Variants in CDIN1 observed in about 807,000 individuals in gnomAD.
The protein encoded by CDIN1 is CDAN1-interacting nuclease 1.
CDIN1 carries 33 observed loss-of-function variants against 45.3 expected under a neutral mutation model. The ratio of observed to expected loss-of-function variants is 0.73; its 90% CI spans 0.55 to 0.97. CDIN1 has a LOEUF of 0.97. CDIN1 is among the 50% of genes least tolerant of loss of function. The pLI is 0.00. For synonymous variants in CDIN1, 118 were observed against 124.4 expected, an observed-to-expected ratio of 0.95 and a Z score of 0.34; for missense variants, 303 against 339.4, an observed-to-expected ratio of 0.89 and a Z score of 0.84.
At chr15:36,668,819 G>C (rs76516131) in intron 5 of CDIN1, among the ~76,000 whole-genome samples, 58 of 152,132 alleles carry the variant, frequency 3.8e-4, no homozygotes, top group Non-Finnish European at 7.1e-4. Context: ...GCCCTAGTTT[G>C]CTCTTCTTTA....
intron 5 of CDIN1, among the ~76,000 whole-genome samples, chr15:36,678,998 T>C (rs2041752349): frequency 6.6e-6 from 1 of 152,190 alleles, no homozygotes; most frequent in Non-Finnish European, 1.5e-5. Flanking sequence ...TGCCCTTAGC[T>C]GGGGGAAAAT....
chr15:36,687,834 C>A (rs898260384), intron 5 of CDIN1, among the ~76,000 whole-genome samples: 2 of 151,942 alleles, frequency 1.3e-5, no homozygotes, highest in African/African-American at 4.8e-5. Flanking sequence ...AAAACATTAA[C>A]AAAAATTGAT....
In CDIN1 at chr15:36,800,814, CATA is replaced by C. The variant is rs569802653; in HGVS notation, c.717-7505_717-7503del. On this transcript the variant is annotated intron_variant, in intron 10 of 10. Coordinates refer to ENST00000566621, the MANE Select transcript of CDIN1 (RefSeq NM_001321759.2). ...ATAGCACAGACCCCACACAGCAACTCATAATAAGAGAAAAAGAAATATATATAT... is the reference window on the plus strand; with the variant it reads ...ATAGCACAGACCCCACACAGCAACTCATAAGAGAAAAAGAAATATATATAT... 2.5e-4 allele frequency among the ~76,000 whole-genome samples: 37 copies of C among 148,522 alleles called. 1 individual carries two copies. The South Asian group carries it at 5.6e-3, about 23-fold the overall frequency.
chr15:36,714,145 G>A (rs777057276), intron 10 of CDIN1, among the ~76,000 whole-genome samples: 6 of 152,112 alleles, frequency 3.9e-5, no homozygotes, highest in Non-Finnish European at 7.4e-5. Context: ...TGAGGAAAAT[G>A]CCTGATTTTT....
At chr15:36,686,886 G>A (rs1272540705) in intron 5 of CDIN1, among the ~76,000 whole-genome samples, 1 of 124,708 alleles carries the variant, frequency 8.0e-6, no homozygotes, top group South Asian at 3.1e-4. Flanking sequence ...ATGGAGGGAG[G>A]GTGGGAGAGA....
chr15:36,723,998 T>C (rs1425545691), intron 10 of CDIN1, among the ~76,000 whole-genome samples: 1 of 152,210 alleles, frequency 6.6e-6, no homozygotes, highest in Admixed American at 6.5e-5. Flanking sequence ...AGCACTTACA[T>C]GTATTTTCCA....
chr15:36,698,880 T>C (rs1416892730), intron 8 of CDIN1, among the ~76,000 whole-genome samples: 1 of 152,198 alleles, frequency 6.6e-6, no homozygotes, highest in East Asian at 1.9e-4. Context: ...GTTGTAGATG[T>C]GGGCTAAACT....
intron 10 of CDIN1, among the ~76,000 whole-genome samples, chr15:36,804,349 A>C (rs1417465138): frequency 6.6e-6 from 1 of 152,060 alleles, no homozygotes; most frequent in Non-Finnish European, 1.5e-5. Flanking sequence ...GCAATGGCTG[A>C]CCCCTGCCTG....
intron 1 of CDIN1, among the ~76,000 whole-genome samples, chr15:36,622,291 C>G (rs574786092): frequency 2.0e-5 from 3 of 151,710 alleles, no homozygotes; most frequent in Admixed American, 1.3e-4. Context: ...TCTCATCGGG[C>G]TTGAGGGAGG....
intron 1 of CDIN1, among the ~76,000 whole-genome samples, chr15:36,580,346 C>G (rs763324789): frequency 1.3e-5 from 2 of 152,074 alleles, no homozygotes; most frequent in South Asian, 2.1e-4. Context: ...AATGGAGGAC[C>G]CTTTTCAATT....
intron 10 of CDIN1, among the ~76,000 whole-genome samples, chr15:36,807,392 A>G (rs1389702306): frequency 6.6e-6 from 1 of 152,172 alleles, no homozygotes; most frequent in Non-Finnish European, 1.5e-5. Flanking sequence ...GCAACACTAC[A>G]CCAAAAGTAG....
rs374324232 is a variant in CDIN1 at position 36,737,181 on chromosome 15, AC to A, written c.716+27221del. Among the ~76,000 whole-genome samples, 311 of 148,650 alleles carry A rather than the reference AC, an allele frequency of 2.1e-3. 12 individuals are homozygous for A. Among genetic ancestry groups the A allele is most frequent in the African/African-American group, 2.9e-3 (120 of 40,812 alleles). On this transcript the variant is annotated intron_variant, in intron 10 of 10. Coordinates refer to ENST00000566621, the MANE Select transcript of CDIN1 (RefSeq NM_001321759.2). ...AGACCCGGTCTCAAAAAAAAAAAAA[AC>A]AAAAATTGCTTCACACTGCCCTTTT...
intron 10 of CDIN1, among the ~76,000 whole-genome samples, chr15:36,760,708 T>A (rs906622865): frequency 4.1e-5 from 6 of 146,854 alleles, no homozygotes; most frequent in Non-Finnish European, 7.6e-5. Flanking sequence ...AAGGAGCATC[T>A]AAGAAATGGT....
chr15:36,746,294 G>A (rs370430133), intron 10 of CDIN1, among the ~76,000 whole-genome samples: 3 of 152,100 alleles, frequency 2.0e-5, no homozygotes, highest in African/African-American at 7.2e-5. Flanking sequence ...GAGAGAAAGA[G>A]GAAGGAGGCC....
rs963813807 is a variant in CDIN1, at chr15:36,579,948, C to G, written c.88C>G (p.Gln30Glu). 13 of 1,613,270 alleles carry G rather than the reference C, an allele frequency of 8.1e-6. No homozygotes were observed. Among genetic ancestry groups the G allele is most frequent in the Non-Finnish European group, 1.1e-5 (13 of 1,179,644 alleles). The change falls in exon 1 of 11, where the codon CAG becomes GAG. Residue 30 changes from glutamine (Q) to glutamate (E), a missense_variant. Physicochemically the swap from Gln to Glu is conservative, Grantham distance 29 (BLOSUM62 2). Coordinates refer to ENST00000566621, the MANE Select transcript of CDIN1 (RefSeq NM_001321759.2). ...PTRQSLRKLK[Q>E]RFPSQSQATL... ...CAGGCAGAGCCTGAGGAAGCTGAAGCAGAGGTTTCCCAGGTAAGTGTCCAT... is the reference window on the plus strand; with the variant it reads ...CAGGCAGAGCCTGAGGAAGCTGAAGGAGAGGTTTCCCAGGTAAGTGTCCAT...
chr15:36,654,006 C>A, intron 3 of CDIN1, 92 bp from the exon 4 acceptor site: 1 of 914,034 alleles, frequency 1.1e-6, no homozygotes, highest in Non-Finnish European at 1.7e-6. Flanking sequence ...GGCATTTGTC[C>A]AGGAGAAACA....
At chr15:36,743,447 T>C (rs543382185) in intron 10 of CDIN1, among the ~76,000 whole-genome samples, 2 of 152,298 alleles carry the variant, frequency 1.3e-5, no homozygotes, top group South Asian at 2.1e-4. Flanking sequence ...AACAGTGCAG[T>C]GCCCTCTTTT....
At chr15:36,654,790 C>T (rs1391322005) in intron 4 of CDIN1, among the ~76,000 whole-genome samples, 1 of 151,968 alleles carries the variant, frequency 6.6e-6, no homozygotes, top group Admixed American at 6.6e-5. Flanking sequence ...ACAGATTTCC[C>T]ATGAATGAAG....
chr15:36,584,274 A>C (rs2037186838), intron 1 of CDIN1, among the ~76,000 whole-genome samples: 1 of 152,132 alleles, frequency 6.6e-6, no homozygotes, highest in African/African-American at 2.4e-5. Flanking sequence ...TCTCTTCAAA[A>C]AAATTTAAAA....
Sources: allele counts gnomAD v4.1 joint callset (sites outside exome capture counted in the v4.1 genomes callset), GRCh38; gene constraint gnomAD v4.1.1; transcripts MANE v1.5; gene names NCBI Gene and HGNC (gene_info 2026-07-23, HGNC 2026-07-21).